EXOSC8: variants seen among roughly 807,000 people sequenced by gnomAD.
EXOSC8 encodes the protein exosome component 8, also known as exosome complex component RRP43.
In EXOSC8, 37 loss-of-function variants were observed where a neutral mutation model predicts 39.9. That is an observed-to-expected ratio of 0.93 (90% CI 0.71 to 1.22). The LOEUF is 1.22. Ranked by LOEUF, EXOSC8 falls within the 50% of genes most tolerant of loss-of-function variation. The pLI, the probability that EXOSC8 is intolerant of heterozygous loss-of-function variation, is 0.00. For missense variants in EXOSC8, 313 were observed against 326.6 expected (o/e 0.96, Z 0.32); for synonymous variants, 93 against 109.5 (o/e 0.85, Z 0.94).
chr13:37,008,992 T>C (rs894420600), intron 10 of EXOSC8, among the ~76,000 whole-genome samples, 157 bp downstream of exon 10: 2 of 152,238 alleles, frequency 1.3e-5, no homozygotes, highest in Non-Finnish European at 2.9e-5. Context: ...TAATGGTATA[T>C]GTCAGTGGTT....
Position 37,006,110 on chromosome 13 carries a change from T to G in EXOSC8, c.345-5T>G. 6.2e-7 allele frequency: 1 copy of G among 1,609,464 alleles called. No individual in the cohort carries two copies. The highest frequency in any genetic ancestry group is 8.5e-7 in the Non-Finnish European group (1 of 1,176,104). On this transcript the variant is annotated splice_polypyrimidine_tract_variant and splice_region_variant and intron_variant, in intron 6 of 10. Coordinates refer to ENST00000389704, the MANE Select transcript of EXOSC8 (RefSeq NM_181503.3). Reference sequence around the variant, plus strand: ...ATTTACTTTGCTCTTTGTCATTAAATCAAGTTCACAGATAATTCAGAAAGA... The same window carrying G: ...ATTTACTTTGCTCTTTGTCATTAAAGCAAGTTCACAGATAATTCAGAAAGA...
intron 7 of EXOSC8, among the ~76,000 whole-genome samples, chr13:37,006,542 T>C (rs2059140283): frequency 6.6e-6 from 1 of 152,176 alleles, no homozygotes; most frequent in Non-Finnish European, 1.5e-5. Context: ...AAAACTAGGT[T>C]GATTAGAACC....
intron 5 of EXOSC8, among the ~76,000 whole-genome samples, chr13:37,005,268 A>G (rs2059130738): frequency 6.6e-6 from 1 of 152,052 alleles, no homozygotes; most frequent in African/African-American, 2.4e-5. Flanking sequence ...ATTTTTTTTA[A>G]ATGAGAAAAA....
intron 1 of EXOSC8, among the ~76,000 whole-genome samples, chr13:37,001,086 G>A (rs1289738338): frequency 6.6e-6 from 1 of 152,172 alleles, no homozygotes; most frequent in Admixed American, 6.5e-5. Context: ...TGTAGTGAAC[G>A]TGCAGTCCCA....
rs758755898 is a variant in EXOSC8 at position 37,009,220 on chromosome 13, G to A, written c.752G>A (p.Cys251Tyr). The change falls in exon 11 of 11, where the codon TGT becomes TAT. Residue 251 changes from cysteine (C) to tyrosine (Y), a missense_variant. Transcript: ENST00000389704. ...CTAACTGGAGCTAAACTTCAGGACT[G>A]TATGAGCCGAGCAGTTACAAGACAC... Reference protein sequence around the residue: ...SGLTGAKLQDCMSRAVTRHKE... With the variant: ...SGLTGAKLQDYMSRAVTRHKE... The A allele has an allele frequency of 8.1e-6, 13 of 1,613,574 alleles. No individual in the cohort carries two copies. Among genetic ancestry groups the A allele is most frequent in the Non-Finnish European group, 2.5e-6 (3 of 1,179,730 alleles).
chr13:37,000,921 T>A lies in EXOSC8; in HGVS notation c.17+99T>A, dbSNP rs188073396. ...TTCTCTCACCTGGAGGCCGACCCCGTTGGGGTGCCATTTCCTTCCTCGTCG... is the reference window on the plus strand; with the variant it reads ...TTCTCTCACCTGGAGGCCGACCCCGATGGGGTGCCATTTCCTTCCTCGTCG... On this transcript the variant is annotated intron_variant, in intron 1 of 10. Coordinates refer to ENST00000389704, the MANE Select transcript of EXOSC8 (RefSeq NM_181503.3). 1,022 of 1,362,922 alleles carry A rather than the reference T, an allele frequency of 7.5e-4. 25 individuals carry two copies. The East Asian group carries it at 0.019, about 26-fold the overall frequency. 84.4% of individuals were successfully genotyped at this position (1,362,922 alleles called of 1,614,324 possible).
At chr13:37,007,182 T>C (rs972505528) in intron 8 of EXOSC8, 111 bp downstream of exon 8, 7 of 730,698 alleles carry the variant, frequency 9.6e-6, no homozygotes, top group Admixed American at 4.1e-5. Context: ...ATGAATGTAA[T>C]GCTGACATGA....
At chr13:37,001,194 A>G (rs2059101116) in intron 1 of EXOSC8, among the ~76,000 whole-genome samples, 1 of 152,082 alleles carries the variant, frequency 6.6e-6, no homozygotes, top group Admixed American at 6.5e-5. Context: ...GGATCACCTG[A>G]CGTCAGGAGT....
chr13:37,002,605 T>C (rs1343947282), intron 3 of EXOSC8, 54 bp downstream of exon 3: 186 of 1,216,484 alleles, frequency 1.5e-4, no homozygotes, highest in South Asian at 9.7e-5. Flanking sequence ...TTTTAGTCTA[T>C]GAACCAGCCA....
In EXOSC8 at chr13:37,003,064, G is replaced by A; in HGVS notation, c.192+57G>A. 7.9e-6 allele frequency: 8 copies of A among 1,017,346 alleles called. No individual in the cohort carries two copies. In the South Asian group the frequency reaches 1.0e-4, roughly 13 times the overall value. 63.0% of individuals were successfully genotyped at this position (1,017,346 alleles called of 1,614,324 possible). On this transcript the variant is annotated intron_variant, in intron 4 of 10. Transcript: ENST00000389704. ...GTTACAAAGTTAGCTTTATTTATTA[G>A]ATTGTAATATACACCTGTAATTCTA...
chr13:37,004,445 C>A, intron 4 of EXOSC8, 71 bp from the exon 5 acceptor site: 2 of 1,074,422 alleles, frequency 1.9e-6, no homozygotes, highest in Non-Finnish European at 2.9e-6. Flanking sequence ...CCTTCCATAA[C>A]TGATTGCTAA....
intron 4 of EXOSC8, 176 bp downstream of exon 4, chr13:37,003,183 C>A: frequency 2.0e-6 from 1 of 512,652 alleles, no homozygotes; most frequent in Non-Finnish European, 3.4e-6. Flanking sequence ...AGTTTAATGA[C>A]TAAGTGAACA....
chr13:37,008,099 C>A lies in EXOSC8; in HGVS notation c.530C>A (p.Ala177Glu). Residue 177 changes from alanine (A) to glutamate (E), a missense_variant, in exon 9 of 11, where the codon GCA becomes GAA. Physicochemically the swap from Ala to Glu is moderately radical, Grantham distance 107 (BLOSUM62 -1). Coordinates refer to ENST00000389704, the MANE Select transcript of EXOSC8 (RefSeq NM_181503.3). ...EVTINEETAL[A>E]EVNLKKKSYL... Reference sequence around the variant, plus strand: ...ACTATAAATGAAGAAACTGCTTTAGCAGAAGTTAATTTAAAGAAGAAAAGT... The same window carrying A: ...ACTATAAATGAAGAAACTGCTTTAGAAGAAGTTAATTTAAAGAAGAAAAGT... The A allele has an allele frequency of 1.9e-6, 3 of 1,595,302 alleles. No individual in the cohort carries two copies. Among genetic ancestry groups the A allele is most frequent in the South Asian group, 1.1e-5 (1 of 88,290 alleles).
At chr13:37,006,182 T>C (rs777381595) in intron 7 of EXOSC8, 22 bp downstream of exon 7, 28 of 1,540,486 alleles carry the variant, frequency 1.8e-5, no homozygotes, top group Admixed American at 3.7e-5. Context: ...AGAGAAGCTA[T>C]AAGTTCTTAT....
At chr13:37,005,565 A>G (rs1301033271) in intron 5 of EXOSC8, among the ~76,000 whole-genome samples, 1 of 152,086 alleles carries the variant, frequency 6.6e-6, no homozygotes, top group Admixed American at 6.6e-5. Context: ...CACTTCAGTA[A>G]TCCATAAATT....
rs916550297 is a variant in EXOSC8, at chr13:37,002,397, A to C, written c.54+88A>C. ...CAAGTAATTTAAATTAATCCATTTGAAGTAACATTTAATGTGTGTGTAAAA... is the reference window on the plus strand; with the variant it reads ...CAAGTAATTTAAATTAATCCATTTGCAGTAACATTTAATGTGTGTGTAAAA... On this transcript the variant is annotated intron_variant, in intron 2 of 10. Coordinates refer to ENST00000389704, the MANE Select transcript of EXOSC8 (RefSeq NM_181503.3). The C allele has an allele frequency of 2.9e-6, 4 of 1,387,438 alleles. No individual in the cohort carries two copies. The African/African-American group carries it at 5.7e-5, about 20-fold the overall frequency. The allele number at this position is 1,387,438 out of a possible 1,614,324, so 85.9% of individuals were successfully genotyped here. A position where few individuals can be genotyped will look rare whatever the true frequency, so the allele number is the denominator to read the frequency against.
intron 4 of EXOSC8, 23 bp from the exon 5 acceptor site, chr13:37,004,493 G>A (rs1479838936): frequency 6.4e-7 from 1 of 1,574,282 alleles, no homozygotes; most frequent in East Asian, 2.2e-5. Flanking sequence ...CTTTCAATAG[G>A]AAACATTTCT....
chr13:37,008,229 T>C (rs780282447), intron 9 of EXOSC8, 52 bp downstream of exon 9: 2 of 1,439,296 alleles, frequency 1.4e-6, no homozygotes, highest in African/African-American at 1.4e-5. Flanking sequence ...ATTAGGGTAA[T>C]TGATGTTCAG....
rs182299440 is a variant in EXOSC8 at position 37,003,098 on chromosome 13, T to C, written c.192+91T>C. The C allele has an allele frequency of 4.5e-5, 35 of 774,330 alleles. No homozygotes were observed. The East Asian group carries it at 8.7e-4, about 19-fold the overall frequency. The allele number at this position is 774,330 out of a possible 1,614,324, so 48.0% of individuals were successfully genotyped here. A position where few individuals can be genotyped will look rare whatever the true frequency, so the allele number is the denominator to read the frequency against. On this transcript the variant is annotated intron_variant, in intron 4 of 10. Transcript: ENST00000389704. ...ATACACCTGTAATTCTACTCTTGAT[T>C]TGGTAGTTGGGTGTCAATTTTTAAT...
Sources: gnomAD v4.1 joint callset for allele counts (sites outside exome capture counted in the v4.1 genomes callset) on GRCh38, gnomAD v4.1.1 for gene constraint, MANE v1.5 for transcripts, NCBI Gene and HGNC (gene_info 2026-07-23, HGNC 2026-07-21) for gene names.